The following CCDC7 variants were observed in gnomAD, a reference collection of about 807,000 sequenced individuals.
CCDC7 encodes the protein coiled-coil domain containing 7, also known as coiled-coil domain-containing protein 7.
CCDC7 carries 183 observed loss-of-function variants against 196.9 expected under a neutral mutation model. That is an observed-to-expected ratio of 0.93 (90% CI 0.82 to 1.05). The LOEUF is 1.05. Ranked by LOEUF, CCDC7 falls within the 50% of genes least tolerant of loss-of-function variation. The probability of loss-of-function intolerance (pLI) is 0.00; values close to 1 mark genes in which losing one functional copy is unlikely to be tolerated. For missense variants in CCDC7, 1,540 were observed against 1,482.2 expected, an observed-to-expected ratio of 1.04 and a Z score of -0.64; for synonymous variants, 525 against 484.6, an observed-to-expected ratio of 1.08 and a Z score of -1.10.
At chr10:32,623,218 G>A (rs2063600071) in intron 18 of CCDC7, among the ~76,000 whole-genome samples, 2 of 151,916 alleles carry the variant, frequency 1.3e-5, no homozygotes. Context: ...TGTGAATTCA[G>A]GAATTCCTTT....
At chr10:32,580,863 A>T (rs762279033) in intron 16 of CCDC7, among the ~76,000 whole-genome samples, 8 of 151,992 alleles carry the variant, frequency 5.3e-5, no homozygotes, top group Non-Finnish European at 1.2e-4. Flanking sequence ...AAGAAAAAAA[A>T]AATAAAGAGG....
At chr10:32,655,325 C>T (rs1376783885) in intron 20 of CCDC7, among the ~76,000 whole-genome samples, 1 of 152,116 alleles carries the variant, frequency 6.6e-6, no homozygotes, top group Non-Finnish European at 1.5e-5. Context: ...AATGACTGTA[C>T]ACATATTTTC....
chr10:32,854,407 G>A (rs150086696), exon 41 of CCDC7: 22 of 1,596,828 alleles, frequency 1.4e-5, no homozygotes, highest in South Asian at 2.2e-5. Context: ...TAGGGCATTC[G>A]AAAGTTGTTA....
intron 20 of CCDC7, among the ~76,000 whole-genome samples, chr10:32,654,989 A>C (rs2069513786): frequency 6.6e-6 from 1 of 152,244 alleles, no homozygotes; most frequent in Non-Finnish European, 1.5e-5. Flanking sequence ...TTTTTTGACA[A>C]ATGCCCTAGG....
At chr10:32,725,445 A>G (rs759244301) in intron 25 of CCDC7, 2 of 467,844 alleles carry the variant, frequency 4.3e-6, no homozygotes, top group East Asian at 1.4e-4. Flanking sequence ...TGTTCCATAT[A>G]TTAGGTTAGT....
chr10:32,791,327 T>C (rs1275665836), intron 29 of CCDC7, among the ~76,000 whole-genome samples: 2 of 149,486 alleles, frequency 1.3e-5, no homozygotes, highest in African/African-American at 4.9e-5. Flanking sequence ...TACATAAGAA[T>C]CATAAAAAAG....
intron 7 of CCDC7, among the ~76,000 whole-genome samples, chr10:32,473,636 T>C (rs1425781890): frequency 6.6e-6 from 1 of 152,070 alleles, no homozygotes; most frequent in African/African-American, 2.4e-5. Flanking sequence ...GGGAGTCAGG[T>C]TTGAGAAATA....
chr10:32,848,833 G>T, intron 39 of CCDC7, 115 bp downstream of exon 40: 5 of 857,622 alleles, frequency 5.8e-6, no homozygotes, highest in Non-Finnish European at 7.3e-6. Flanking sequence ...AAATATCTTA[G>T]GAAAATTCTT....
At chr10:32,798,917 C>T (rs1163648904) in intron 29 of CCDC7, among the ~76,000 whole-genome samples, 2 of 152,136 alleles carry the variant, frequency 1.3e-5, no homozygotes, top group Non-Finnish European at 2.9e-5. Context: ...TAGGGAACTC[C>T]CCATGGGGCC....
chr10:32,597,218 C>T (rs888311106), intron 18 of CCDC7, among the ~76,000 whole-genome samples: 3 of 152,128 alleles, frequency 2.0e-5, no homozygotes, highest in Non-Finnish European at 4.4e-5. Flanking sequence ...AGGCTTTGTT[C>T]ATTTCTTTTG....
chr10:32,669,515 G>A (rs1434394450), intron 21 of CCDC7, among the ~76,000 whole-genome samples: 1 of 151,936 alleles, frequency 6.6e-6, no homozygotes, highest in Non-Finnish European at 1.5e-5. Context: ...TGAGGTCTTA[G>A]CTTTTCTTTA....
At chr10:32,877,166 T>C (rs1368135837), downstream of CCDC7, 1 of 151,998 alleles carries the variant, frequency 6.6e-6, no homozygotes, top group Non-Finnish European at 1.5e-5. Flanking sequence ...CTTTATAATC[T>C]CCCATTGTAA....
intron 28 of CCDC7, among the ~76,000 whole-genome samples, chr10:32,777,181 T>A (rs2080199274): frequency 6.6e-6 from 1 of 152,222 alleles, no homozygotes; most frequent in African/African-American, 2.4e-5. Flanking sequence ...GGCCTCCAGC[T>A]GCATCCATGT....
intron 28 of CCDC7, among the ~76,000 whole-genome samples, chr10:32,763,136 A>G (rs1350046439): frequency 6.6e-6 from 1 of 152,008 alleles, no homozygotes; most frequent in East Asian, 1.9e-4. Flanking sequence ...GATATTCAAA[A>G]TATGTAAGGA....
At chr10:32,470,467 T>C (rs1194987322) in intron 5 of CCDC7, among the ~76,000 whole-genome samples, 1 of 152,172 alleles carries the variant, frequency 6.6e-6, no homozygotes, top group African/African-American at 2.4e-5. Flanking sequence ...AGTAAACTTA[T>C]TACCTAGAAT....
chr10:32,715,307 C>A (rs2081407769), intron 25 of CCDC7, among the ~76,000 whole-genome samples: 1 of 152,132 alleles, frequency 6.6e-6, no homozygotes, highest in Non-Finnish European at 1.5e-5. Flanking sequence ...AGAAGAGGGG[C>A]CGGACTGTTA....
At chr10:32,832,858 A>G (rs1488446906) in intron 32 of CCDC7, among the ~76,000 whole-genome samples, 3 of 152,134 alleles carry the variant, frequency 2.0e-5, no homozygotes, top group Non-Finnish European at 4.4e-5. Context: ...TTTGATATGT[A>G]ACTGTATTTT....
At position 32,532,084 on chromosome 10, in the gene CCDC7, G is replaced by T. The variant is rs115297505; in HGVS notation, c.994-11216G>T. 8.4e-3 allele frequency among the ~76,000 whole-genome samples: 1,274 copies of T among 151,888 alleles called. 28 individuals are homozygous for T. The highest frequency in any genetic ancestry group is 0.028 in the African/African-American group (1,173 of 41,448). On this transcript the variant is annotated intron_variant, in intron 11 of 41. Coordinates refer to ENST00000639629, the Ensembl canonical transcript of CCDC7. ...ATTTCTTTTCTTCTACTTATTTTGG[G>T]TTTGATTTCTTTTTCCTTTTGTAGT...
chr10:32,531,563 G>C (rs2049668076), intron 11 of CCDC7, among the ~76,000 whole-genome samples: 2 of 152,050 alleles, frequency 1.3e-5, no homozygotes, highest in South Asian at 4.1e-4. Flanking sequence ...AGGTAATGCT[G>C]GCCTTGTAGA....
Sources: gnomAD v4.1 joint callset for allele counts (sites outside exome capture counted in the v4.1 genomes callset) on GRCh38, gnomAD v4.1.1 for gene constraint, MANE v1.5 for transcripts, NCBI Gene and HGNC (gene_info 2026-07-23, HGNC 2026-07-21) for gene names.